Variants in AUTS2 observed in about 807,000 individuals in gnomAD.
AUTS2 encodes the protein autism susceptibility gene 2 protein.
Under a neutral mutation model 112.4 loss-of-function variants are expected in AUTS2, and 17 were observed. The observed-to-expected ratio is 0.15, with a 90% CI of 0.10 to 0.23. The LOEUF is 0.23. Ranked by LOEUF, AUTS2 falls within the 10% of genes least tolerant of loss-of-function variation. The probability of loss-of-function intolerance (pLI) is 1.00; values close to 1 mark genes in which losing one functional copy is unlikely to be tolerated. For missense variants in AUTS2, 1,510 were observed against 1,701.6 expected, an observed-to-expected ratio of 0.89 and a Z score of 1.98; for synonymous variants, 751 against 702.7, an observed-to-expected ratio of 1.07 and a Z score of -1.09.
At chr7:70,331,455 T>G (rs1790741544) in intron 4 of AUTS2, among the ~76,000 whole-genome samples, 2 of 152,090 alleles carry the variant, frequency 1.3e-5, no homozygotes, top group Non-Finnish European at 1.5e-5. Context: ...TTTATTAGTC[T>G]GGCTAGTGGT....
chr7:70,012,149 G>A (rs541957891), intron 2 of AUTS2, among the ~76,000 whole-genome samples: 1 of 152,194 alleles, frequency 6.6e-6, no homozygotes, highest in Non-Finnish European at 1.5e-5. Context: ...GGGCATTTGT[G>A]ATCTGTGGAG....
At chr7:69,895,167 G>A (rs1794692286) in intron 1 of AUTS2, among the ~76,000 whole-genome samples, 1 of 152,044 alleles carries the variant, frequency 6.6e-6, no homozygotes, top group Non-Finnish European at 1.5e-5. Flanking sequence ...CAACTCTTGT[G>A]ACTGTTGATA....
rs917271174 is a variant in AUTS2 at position 69,691,267 on chromosome 7, A to G, written c.309+91305A>G. On this transcript the variant is annotated intron_variant, in intron 1 of 18. Coordinates refer to ENST00000342771, the MANE Select transcript of AUTS2 (RefSeq NM_015570.4). ...CAGCCTGGCCCCTAGGCTTCAGGCC[A>G]TCCCTGGCTTGAAGTTGGGGTTTCA... 5.9e-5 allele frequency among the ~76,000 whole-genome samples: 9 copies of G among 152,180 alleles called. No homozygotes were observed. The East Asian group carries it at 1.8e-3, about 30-fold the overall frequency.
chr7:70,284,525 A>G (rs1348652164), intron 4 of AUTS2, among the ~76,000 whole-genome samples: 2 of 152,230 alleles, frequency 1.3e-5, no homozygotes, highest in Admixed American at 1.3e-4. Context: ...GATTGGTTAA[A>G]AAAAAAATCT....
chr7:70,717,441 C>T (rs1810443299), intron 6 of AUTS2, among the ~76,000 whole-genome samples: 1 of 152,168 alleles, frequency 6.6e-6, no homozygotes, highest in Non-Finnish European at 1.5e-5. Context: ...CTCACCCCTG[C>T]CTCCCAAAGC....
Position 69,834,717 on chromosome 7 carries a change from G to A in AUTS2, c.310-64569G>A, listed in dbSNP as rs1370503049. Among the ~76,000 whole-genome samples the A allele has an allele frequency of 2.0e-5, 3 of 152,202 alleles. No individual in the cohort carries two copies. In the East Asian group the frequency reaches 5.8e-4, roughly 29 times the overall value. On this transcript the variant is annotated intron_variant, in intron 1 of 18. Transcript: ENST00000342771. ...CGTCAAATAAGAACTACTTTAGAAT[G>A]CTCTGTGATAATGCTAGGCACTTAG... is the stretch of plus-strand genomic sequence containing the variant.
At chr7:70,374,433 G>A (rs1792988907) in intron 4 of AUTS2, among the ~76,000 whole-genome samples, 1 of 152,138 alleles carries the variant, frequency 6.6e-6, no homozygotes, top group South Asian at 2.1e-4. Context: ...CAGCTGAGAT[G>A]CTACAAATGT....
intron 4 of AUTS2, among the ~76,000 whole-genome samples, chr7:70,243,280 TA>T (rs1812726502): frequency 8.3e-6 from 1 of 121,172 alleles, no homozygotes; most frequent in Non-Finnish European, 1.8e-5. Flanking sequence ...TGTGTGTGTG[TA>T]TGAGTATATA....
At chr7:70,266,255 T>C (rs1787417145) in intron 4 of AUTS2, among the ~76,000 whole-genome samples, 1 of 152,152 alleles carries the variant, frequency 6.6e-6, no homozygotes, top group African/African-American at 2.4e-5. Flanking sequence ...GGCTGAACCT[T>C]GGAAACATTA....
At chr7:70,609,566 G>GT (rs1008031454) in intron 5 of AUTS2, among the ~76,000 whole-genome samples, 47 of 145,134 alleles carry the variant, frequency 3.2e-4, no homozygotes, top group African/African-American at 1.0e-3. Flanking sequence ...AGCTAATTTT[G>GT]TTTTTTTTGT....
At chr7:70,774,428 C>T (rs1790558540) in intron 12 of AUTS2, 2 of 265,628 alleles carry the variant, frequency 7.5e-6, no homozygotes, top group Non-Finnish European at 1.4e-5. Context: ...TTGTCTTACA[C>T]AAATGAAGTA....
At chr7:70,488,540 A>G (rs1415892094) in intron 5 of AUTS2, among the ~76,000 whole-genome samples, 1 of 151,984 alleles carries the variant, frequency 6.6e-6, no homozygotes, top group Non-Finnish European at 1.5e-5. Flanking sequence ...CTTTCTCCTC[A>G]GTCAGACCTT....
At chr7:70,316,399 A>AT (rs398005114) in intron 4 of AUTS2, among the ~76,000 whole-genome samples, 5,526 of 92,724 alleles carry the variant, frequency 0.06, 375 homozygotes, top group African/African-American at 0.14. Flanking sequence ...CCAGGTCTCT[A>AT]TTTTTTTTTT....
chr7:70,363,447 A>T (rs986259334), intron 4 of AUTS2, among the ~76,000 whole-genome samples: 5 of 135,564 alleles, frequency 3.7e-5, no homozygotes, highest in Non-Finnish European at 6.0e-5. Context: ...TAAAACTTAG[A>T]GTATAATATA....
chr7:70,622,907 C>G (rs1445636759), intron 5 of AUTS2, among the ~76,000 whole-genome samples: 1 of 152,128 alleles, frequency 6.6e-6, no homozygotes, highest in Non-Finnish European at 1.5e-5. Flanking sequence ...CAAAATGATA[C>G]CCAGACATTT....
intron 2 of AUTS2, among the ~76,000 whole-genome samples, chr7:70,074,077 T>A (rs1331360887): frequency 6.6e-6 from 1 of 152,272 alleles, no homozygotes; most frequent in Non-Finnish European, 1.5e-5. Flanking sequence ...TCAAAATAGC[T>A]GTAAATGTCA....
chr7:70,593,742 A>G (rs1803060309), intron 5 of AUTS2, among the ~76,000 whole-genome samples: 1 of 152,192 alleles, frequency 6.6e-6, no homozygotes, highest in Non-Finnish European at 1.5e-5. Context: ...AGGGGATGGG[A>G]AAGCTGAGTC....
At chr7:69,729,417 A>ACC (rs572743703) in intron 1 of AUTS2, among the ~76,000 whole-genome samples, 57 of 56,020 alleles carry the variant, frequency 1.0e-3, no homozygotes, top group African/African-American at 3.0e-3. Flanking sequence ...ATGTCCCCCA[A>ACC]CACCCCCCCC....
chr7:70,265,733 T>A (rs559900562), intron 4 of AUTS2, among the ~76,000 whole-genome samples: 1 of 152,172 alleles, frequency 6.6e-6, no homozygotes, highest in Admixed American at 6.6e-5. Context: ...TTGACCAACA[T>A]TGAAAACATT....
Sources: allele counts gnomAD v4.1 joint callset (sites outside exome capture counted in the v4.1 genomes callset), GRCh38; gene constraint gnomAD v4.1.1; transcripts MANE v1.5; gene names NCBI Gene and HGNC (gene_info 2026-07-23, HGNC 2026-07-21).